Variants in FBXO10 observed in about 807,000 individuals in gnomAD.
FBXO10 encodes F-box only protein 10.
A neutral mutation model predicts 80.7 loss-of-function variants in FBXO10; 39 were observed. That is an observed-to-expected ratio of 0.48 (90% confidence interval 0.37 to 0.63). FBXO10 has a LOEUF of 0.63. Among genes scored for constraint, FBXO10 ranks in the 30% least tolerant of loss-of-function variants. The pLI is 0.00. For synonymous variants in FBXO10, 449 were observed against 489.6 expected (o/e 0.92, Z 1.09); for missense variants, 1,025 against 1,269.0 (o/e 0.81, Z 2.92).
intron 1 of FBXO10, among the ~76,000 whole-genome samples, chr9:37,545,088 A>G (rs1822023158): frequency 6.6e-6 from 1 of 151,400 alleles, no homozygotes; most frequent in African/African-American, 2.4e-5. Context: ...GCCACTCCCC[A>G]AGATGGACAC....
chr9:37,574,622 T>A (rs1219820366), intron 1 of FBXO10, among the ~76,000 whole-genome samples: 1 of 152,218 alleles, frequency 6.6e-6, no homozygotes, highest in Non-Finnish European at 1.5e-5. Context: ...GCAAGGGCTC[T>A]GGAACTGGTG....
At chr9:37,563,273 C>A (rs1343552007) in intron 1 of FBXO10, among the ~76,000 whole-genome samples, 1 of 152,144 alleles carries the variant, frequency 6.6e-6, no homozygotes, top group African/African-American at 2.4e-5. Context: ...TTATAAATTA[C>A]CTAGTTGTGG....
At chr9:37,518,913 CTT>C (rs397953415) in intron 8 of FBXO10, among the ~76,000 whole-genome samples, 5 of 141,276 alleles carry the variant, frequency 3.5e-5, no homozygotes, top group Non-Finnish European at 1.5e-5. Context: ...GGGAAATTTT[CTT>C]TTTTTTTTTT....
chr9:37,515,994 TG>T lies in FBXO10; in HGVS notation c.2605del (p.Gln869ArgfsTer38), dbSNP rs764460477. 1.2e-6 allele frequency: 2 copies of T among 1,614,082 alleles called. No homozygotes were observed. Among genetic ancestry groups the T allele is most frequent in the Non-Finnish European group, 1.7e-6 (2 of 1,179,900 alleles). On this transcript the variant is annotated frameshift_variant, in exon 10 of 11. Transcript: ENST00000432825. LOFTEE classifies it high-confidence loss of function. The stretch of plus-strand genomic sequence containing the variant: ...AAAGATGGTCTTACTGGTTTTGCCC[TG>T]GAAGATGATGTTTTCCTGCACCAGG... ...KALVQENIIF[Q>X]GKTSKTIFQQ...
At chr9:37,541,045 T>C in intron 2 of FBXO10, 139 bp downstream of exon 2, 2 of 688,890 alleles carry the variant, frequency 2.9e-6, no homozygotes, top group Non-Finnish European at 4.8e-6. Flanking sequence ...TCTCAACTGG[T>C]TCAGCACTCA....
At chr9:37,513,838 C>T (rs1394746873) in intron 10 of FBXO10, among the ~76,000 whole-genome samples, 15 of 152,200 alleles carry the variant, frequency 9.9e-5, no homozygotes, top group African/African-American at 3.4e-4. Context: ...GATCCACCCA[C>T]CTCGGCCTCC....
intron 1 of FBXO10, among the ~76,000 whole-genome samples, chr9:37,561,324 C>A (rs767837911): frequency 1.3e-4 from 20 of 152,028 alleles, no homozygotes; most frequent in Non-Finnish European, 2.6e-4. Flanking sequence ...TGATTACAGG[C>A]GTGAGTTACC....
chr9:37,541,410 C>A lies in FBXO10; in HGVS notation c.359G>T (p.Ser120Ile). The A allele has an allele frequency of 6.2e-7, 1 of 1,614,028 alleles. No individual in the cohort carries two copies. Among genetic ancestry groups the A allele is most frequent in the Non-Finnish European group, 8.5e-7 (1 of 1,179,860 alleles). ...GGCCATGGCCAAGGCACTGCCCAGG[C>A]TGTCAAACTCACGGCCTGGCCCAAC... ...LSVGPGREFD[S>I]LGSALAMASL... Residue 120 changes from serine to isoleucine, a missense_variant, in exon 2 of 11, where the codon AGC (serine) becomes ATC (isoleucine). Ser to Ile is a moderately radical substitution (Grantham distance 142, BLOSUM62 -2). Transcript: ENST00000432825.
At chr9:37,549,931 G>A (rs1188246654) in intron 1 of FBXO10, among the ~76,000 whole-genome samples, 1 of 152,104 alleles carries the variant, frequency 6.6e-6, no homozygotes, top group Non-Finnish European at 1.5e-5. Context: ...CAATTCACTG[G>A]TGGTAACGAA....
intron 2 of FBXO10, among the ~76,000 whole-genome samples, chr9:37,540,797 T>C (rs1228430186): frequency 6.6e-6 from 1 of 152,204 alleles, no homozygotes; most frequent in Non-Finnish European, 1.5e-5. Context: ...TTTTCCTCTG[T>C]GGCTCTCACT....
intron 8 of FBXO10, among the ~76,000 whole-genome samples, chr9:37,520,280 T>A (rs1201797537): frequency 6.6e-6 from 1 of 150,806 alleles, no homozygotes; most frequent in Non-Finnish European, 1.5e-5. Flanking sequence ...TTATTTTTTT[T>A]TAATTCAAGA....
chr9:37,526,999 T>C (rs1444708301), intron 5 of FBXO10, among the ~76,000 whole-genome samples: 1 of 151,980 alleles, frequency 6.6e-6, no homozygotes, highest in Non-Finnish European at 1.5e-5. Context: ...TACAGGCACC[T>C]GCCACCATAC....
intron 1 of FBXO10, among the ~76,000 whole-genome samples, chr9:37,569,931 G>C (rs1345848081): frequency 6.6e-6 from 1 of 152,114 alleles, no homozygotes; most frequent in Non-Finnish European, 1.5e-5. Flanking sequence ...AGTATGTTTG[G>C]ATATTACAAA....
chr9:37,544,858 G>T (rs1468361358), intron 1 of FBXO10, among the ~76,000 whole-genome samples: 1 of 151,804 alleles, frequency 6.6e-6, no homozygotes, highest in Non-Finnish European at 1.5e-5. Flanking sequence ...GCCGGGCGTG[G>T]TGGCGGGTGC....
chr9:37,520,105 G>C (rs12237989), intron 8 of FBXO10, among the ~76,000 whole-genome samples: 22,306 of 149,916 alleles, frequency 0.15, 2,015 homozygotes, highest in East Asian at 0.25. Flanking sequence ...AAAGTGTTAG[G>C]GTTACAGGTG....
chr9:37,566,401 T>G (rs1358974191), intron 1 of FBXO10, among the ~76,000 whole-genome samples: 2 of 144,506 alleles, frequency 1.4e-5, no homozygotes, highest in African/African-American at 5.2e-5. Flanking sequence ...GAGGTTGCAG[T>G]GAGCTGAGAT....
chr9:37,554,988 G>A, intron 1 of FBXO10, among the ~76,000 whole-genome samples: 1 of 152,104 alleles, frequency 6.6e-6, no homozygotes, highest in East Asian at 1.9e-4. Flanking sequence ...TTCCCAGAGA[G>A]GCTATACTAT....
chr9:37,561,144 A>AAAAC (rs1554648940), intron 1 of FBXO10, among the ~76,000 whole-genome samples: 23 of 151,946 alleles, frequency 1.5e-4, no homozygotes, highest in African/African-American at 5.3e-4. Context: ...TCCGTCTCAA[A>AAAAC]AAAACAAAAC....
At chr9:37,533,786 C>T (rs1020465426) in intron 3 of FBXO10, among the ~76,000 whole-genome samples, 17 of 151,434 alleles carry the variant, frequency 1.1e-4, no homozygotes, top group Admixed American at 8.6e-4. Context: ...GCAGGAGAAT[C>T]GCTTGAACCC....
Sources: allele counts gnomAD v4.1 joint callset (sites outside exome capture counted in the v4.1 genomes callset), GRCh38; gene constraint gnomAD v4.1.1; transcripts MANE v1.5; gene names NCBI Gene and HGNC (gene_info 2026-07-23, HGNC 2026-07-21).